The following RREB1 variants were observed in gnomAD, a reference collection of about 807,000 sequenced individuals.
The protein encoded by RREB1 is ras-responsive element-binding protein 1.
Under a neutral mutation model 117.8 loss-of-function variants are expected in RREB1, and 27 were observed. The ratio of observed to expected loss-of-function variants is 0.23; its 90% confidence interval spans 0.17 to 0.32. RREB1 has a LOEUF of 0.32. Among genes scored for constraint, RREB1 ranks in the 10% least tolerant of loss-of-function variants. The pLI is 1.00. For missense variants in RREB1, 2,577 were observed against 2,378.2 expected (o/e 1.08, Z -1.74); for synonymous variants, 1,298 against 1,026.7 (o/e 1.26, Z -5.05).
At chr6:7,191,175 G>A (rs961629774) in intron 6 of RREB1, among the ~76,000 whole-genome samples, 2 of 151,850 alleles carry the variant, frequency 1.3e-5, no homozygotes, top group Non-Finnish European at 2.9e-5. Context: ...TGGTGCTCTG[G>A]GTGTCATATC....
At chr6:7,226,425 C>CTCTCCCTTTCTGCCTCATATGT (rs1561791656) in intron 8 of RREB1, 42 bp from the exon 9 acceptor site, 3 of 1,478,690 alleles carry the variant, frequency 2.0e-6, no homozygotes, top group South Asian at 1.3e-5. Context: ...TCCTCATATG[C>CTCTCCCTTTCTGCCTCATATGT]TCTCCCTTTC....
intron 1 of RREB1, among the ~76,000 whole-genome samples, chr6:7,175,043 G>A (rs1178354369): frequency 6.6e-6 from 1 of 151,876 alleles, no homozygotes; most frequent in Non-Finnish European, 1.5e-5. Flanking sequence ...AAACCAAAGG[G>A]CTATTCCTCT....
intron 11 of RREB1, 142 bp from the exon 12 acceptor site, chr6:7,246,282 T>C (rs1769012357): frequency 1.5e-6 from 1 of 650,946 alleles, no homozygotes. Context: ...TAACAGGTGG[T>C]GAGGATTTGG....
chr6:7,157,758 C>G (rs1203714624), intron 1 of RREB1, among the ~76,000 whole-genome samples: 1 of 151,686 alleles, frequency 6.6e-6, no homozygotes, highest in Non-Finnish European at 1.5e-5. Context: ...CTCTGTCTGT[C>G]TCTTTGGGAA....
chr6:7,177,558 A>G (rs1251776594), intron 2 of RREB1, among the ~76,000 whole-genome samples: 1 of 152,122 alleles, frequency 6.6e-6, no homozygotes, highest in Non-Finnish European at 1.5e-5. Context: ...TTTAAGAGAC[A>G]GGGTCTCACT....
intron 1 of RREB1, among the ~76,000 whole-genome samples, chr6:7,117,400 T>G (rs979627804): frequency 1.3e-4 from 4 of 29,644 alleles, no homozygotes; most frequent in South Asian, 6.7e-4. Flanking sequence ...TTTTTTTTTT[T>G]TTTTTTTTTT....
intron 1 of RREB1, among the ~76,000 whole-genome samples, chr6:7,134,212 G>C (rs947521533): frequency 2.6e-5 from 4 of 152,154 alleles, no homozygotes; most frequent in African/African-American, 9.7e-5. Context: ...ATACTGAACT[G>C]ACAAAATGTG....
At chr6:7,239,019 A>C (rs1259848117) in intron 10 of RREB1, among the ~76,000 whole-genome samples, 1 of 152,236 alleles carries the variant, frequency 6.6e-6, no homozygotes, top group Admixed American at 6.5e-5. Flanking sequence ...GGTTAAGGCT[A>C]GTCCCTCCTT....
chr6:7,132,793 C>T (rs752446492), intron 1 of RREB1, among the ~76,000 whole-genome samples: 16 of 150,340 alleles, frequency 1.1e-4, no homozygotes, highest in South Asian at 2.1e-4. Flanking sequence ...ATAAATACCC[C>T]GTGTCTGGTA....
chr6:7,236,035 CTT>C (rs972415983), intron 10 of RREB1, among the ~76,000 whole-genome samples: 1 of 152,198 alleles, frequency 6.6e-6, no homozygotes, highest in African/African-American at 2.4e-5. Flanking sequence ...CCAGACCATA[CTT>C]TCCTGCTGAT....
chr6:7,202,475 A>G (rs557978091), intron 6 of RREB1, among the ~76,000 whole-genome samples: 3 of 152,122 alleles, frequency 2.0e-5, no homozygotes, highest in African/African-American at 7.2e-5. Flanking sequence ...GGGGTGTATG[A>G]TTTTAGTCGT....
Position 7,113,456 on chromosome 6 carries a change from CTTAG to C in RREB1, c.-285+5400_-285+5403del, listed in dbSNP as rs982844674. Among the ~76,000 whole-genome samples, 28 of 152,282 alleles carry C rather than the reference CTTAG, an allele frequency of 1.8e-4. 1 individual carries two copies. Among genetic ancestry groups the C allele is most frequent in the Admixed American group, 1.6e-3 (24 of 15,300 alleles). On this transcript the variant is annotated intron_variant, in intron 1 of 12. Coordinates refer to ENST00000379938, the MANE Select transcript of RREB1 (RefSeq NM_001003699.4). ...TTTCATTCAGATATACCTTCTAGGA[CTTAG>C]TTAATTTCACCCTGCTTTTGTGGAG...
chr6:7,200,275 TGTGTG>T (rs1765891835), intron 6 of RREB1, among the ~76,000 whole-genome samples: 3 of 118,752 alleles, frequency 2.5e-5, no homozygotes, highest in Non-Finnish European at 3.2e-5. Context: ...TGTGTGTGTG[TGTGTG>T]TATTTTTTTT....
intron 6 of RREB1, among the ~76,000 whole-genome samples, chr6:7,200,082 T>G (rs1370148809): frequency 1.3e-5 from 2 of 152,204 alleles, no homozygotes; most frequent in African/African-American, 4.8e-5. Flanking sequence ...TAGCCTGTTT[T>G]TTATTTGCTA....
intron 1 of RREB1, among the ~76,000 whole-genome samples, chr6:7,155,411 A>T (rs1763318073): frequency 6.6e-6 from 1 of 152,174 alleles, no homozygotes; most frequent in South Asian, 2.1e-4. Context: ...GGTTTAAGCG[A>T]TTCTCCTGCC....
chr6:7,187,540 CTTTTA>C lies in RREB1; in HGVS notation c.261+63_261+67del, dbSNP rs3028658. On this transcript the variant is annotated intron_variant, in intron 5 of 12. Transcript: ENST00000379938. ...ATTCGCCAGGTAGATTCCCACTGTTCTTTTATTTTATTTTATTTTATTTTATTTTA... is the reference window on the plus strand; with the variant it reads ...ATTCGCCAGGTAGATTCCCACTGTTCTTTTATTTTATTTTATTTTATTTTA... The C allele has an allele frequency of 0.059, 49,946 of 847,490 alleles. 3,403 individuals are homozygous for C. Among genetic ancestry groups the C allele is most frequent in the African/African-American group, 0.2 (10,783 of 54,064 alleles). 52.5% of individuals were successfully genotyped at this position (847,490 alleles called of 1,614,324 possible).
chr6:7,196,537 G>A (rs1417804082), intron 6 of RREB1, among the ~76,000 whole-genome samples: 1 of 152,070 alleles, frequency 6.6e-6, no homozygotes, highest in African/African-American at 2.4e-5. Flanking sequence ...TGTAGTCATT[G>A]ACAGTTGCTT....
intron 1 of RREB1, among the ~76,000 whole-genome samples, chr6:7,126,287 A>C (rs962609573): frequency 2.0e-5 from 3 of 151,736 alleles, no homozygotes; most frequent in Non-Finnish European, 4.4e-5. Context: ...GGCGTGAGCC[A>C]CTGCGCCCGG....
rs1257608767 is a variant in RREB1, at chr6:7,246,950, C to T, written c.4500C>T (p.Pro1500=). ...PQPAPEQEEK[P]PETPAEVVES... ...CCGCCCCTGAACAGGAGGAGAAGCC[C>T]CCCGAGACCCCGGCAGAGGTGGTGG... The change falls in exon 12 of 13, where the codon CCC becomes CCT. Residue 1500 remains proline (P), a synonymous_variant. Coordinates refer to ENST00000379938, the MANE Select transcript of RREB1 (RefSeq NM_001003699.4). 22 of 1,560,926 alleles carry T rather than the reference C, an allele frequency of 1.4e-5. No individual in the cohort carries two copies. In the East Asian group the frequency reaches 3.8e-4, roughly 27 times the overall value.
Sources: allele counts gnomAD v4.1 joint callset (sites outside exome capture counted in the v4.1 genomes callset), GRCh38; gene constraint gnomAD v4.1.1; transcripts MANE v1.5; gene names NCBI Gene and HGNC (gene_info 2026-07-23, HGNC 2026-07-21).